Variants in CUL1 observed in about 807,000 individuals in gnomAD.
CUL1 encodes the protein cullin-1.
A neutral mutation model predicts 118.0 loss-of-function variants in CUL1; 24 were observed. That is an observed-to-expected ratio of 0.20 (90% CI 0.15 to 0.29). CUL1 has a LOEUF of 0.29. CUL1 is among the 10% of genes least tolerant of loss of function. CUL1 has a pLI of 1.00. For missense variants in CUL1, 361 were observed against 933.8 expected (o/e 0.39, Z 7.99); for synonymous variants, 332 against 340.4 (o/e 0.98, Z 0.27).
intron 2 of CUL1, among the ~76,000 whole-genome samples, chr7:148,749,731 T>C (rs1031287293): frequency 2.0e-5 from 3 of 152,060 alleles, no homozygotes; most frequent in Non-Finnish European, 2.9e-5. Flanking sequence ...TCAAGTAAAA[T>C]GAAGAGTTGC....
intron 1 of CUL1, among the ~76,000 whole-genome samples, chr7:148,714,012 G>A (rs1320863972): frequency 2.0e-5 from 3 of 152,154 alleles, no homozygotes; most frequent in Non-Finnish European, 2.9e-5. Flanking sequence ...GAGCCACCAC[G>A]CCTGGCTGCA....
In CUL1 at chr7:148,760,334, G is replaced by A; in HGVS notation, c.627G>A (p.Val209=). 6.3e-7 allele frequency: 1 copy of A among 1,594,514 alleles called. No homozygotes were observed. Among genetic ancestry groups the A allele is most frequent in the Non-Finnish European group, 8.5e-7 (1 of 1,173,398 alleles). The change falls in exon 7 of 22, where the codon GTG becomes GTA. Residue 209 remains valine (V), a splice_region_variant and synonymous_variant. Coordinates refer to ENST00000325222, the MANE Select transcript of CUL1 (RefSeq NM_003592.3). ...RLISGVVQSY[V]ELGLNEDDAF... The stretch of plus-strand genomic sequence containing the variant: ...AATATAGCTCATATTCATTTCTAGT[G>A]GAATTGGGGCTGAATGAAGATGATG...
At chr7:148,734,100 G>C (rs1798861300) in intron 2 of CUL1, among the ~76,000 whole-genome samples, 1 of 151,888 alleles carries the variant, frequency 6.6e-6, no homozygotes, top group Non-Finnish European at 1.5e-5. Context: ...TAGTTAACTT[G>C]GTTTTCAGCC....
intron 13 of CUL1, among the ~76,000 whole-genome samples, chr7:148,788,094 G>A (rs987991562): frequency 6.6e-6 from 1 of 152,188 alleles, no homozygotes; most frequent in African/African-American, 2.4e-5. Context: ...GTCAGAGAGA[G>A]AGTGCAGAGC....
intron 19 of CUL1, 87 bp from the exon 20 acceptor site, chr7:148,798,485 A>C (rs1279481101): frequency 5.5e-6 from 5 of 904,674 alleles, no homozygotes; most frequent in Non-Finnish European, 9.0e-6. Flanking sequence ...GAAGCAGGGC[A>C]CTTCTTAAAG....
chr7:148,712,106 G>T (rs1267808423), intron 1 of CUL1, among the ~76,000 whole-genome samples: 1 of 152,136 alleles, frequency 6.6e-6, no homozygotes, highest in Non-Finnish European at 1.5e-5. Flanking sequence ...TGTTAAGCTG[G>T]GTTCTGAAAA....
chr7:148,768,582 G>A (rs1312753319), intron 9 of CUL1, among the ~76,000 whole-genome samples: 2 of 151,686 alleles, frequency 1.3e-5, no homozygotes, highest in African/African-American at 2.4e-5. Flanking sequence ...ACAGGGTTTC[G>A]CTGTGTTGGC....
At chr7:148,719,171 C>G (rs1002423435) in intron 1 of CUL1, among the ~76,000 whole-genome samples, 1 of 152,036 alleles carries the variant, frequency 6.6e-6, no homozygotes, top group African/African-American at 2.4e-5. Flanking sequence ...ATTAGCCAGG[C>G]GCGGTGGCGG....
chr7:148,702,965 G>C (rs1797765295), intron 1 of CUL1, among the ~76,000 whole-genome samples: 1 of 152,156 alleles, frequency 6.6e-6, no homozygotes, highest in African/African-American at 2.4e-5. Context: ...TGAAGTGTGG[G>C]TACTATGGTT....
intron 1 of CUL1, among the ~76,000 whole-genome samples, 192 bp from the exon 2 acceptor site, chr7:148,729,770 A>G (rs2129459592): frequency 6.6e-6 from 1 of 152,324 alleles, no homozygotes; most frequent in East Asian, 1.9e-4. Flanking sequence ...TGCTGATATC[A>G]TAATGATTTT....
chr7:148,755,931 GCC>G (rs1204380103), intron 3 of CUL1, among the ~76,000 whole-genome samples: 2 of 152,158 alleles, frequency 1.3e-5, no homozygotes, highest in Non-Finnish European at 2.9e-5. Context: ...CAGTGGGCTC[GCC>G]CCAGCCCTTC....
At chr7:148,779,931 G>T (rs548845305) in intron 9 of CUL1, among the ~76,000 whole-genome samples, 1 of 152,250 alleles carries the variant, frequency 6.6e-6, no homozygotes, top group East Asian at 1.9e-4. Flanking sequence ...ACGTGAAAAG[G>T]CGAGACTGGC....
chr7:148,712,288 A>T (rs7810200), intron 1 of CUL1, among the ~76,000 whole-genome samples: 1 of 152,184 alleles, frequency 6.6e-6, no homozygotes. Flanking sequence ...ATTCTGTTAA[A>T]CATGTATTTC....
At chr7:148,761,930 G>A (rs1799844950) in intron 7 of CUL1, among the ~76,000 whole-genome samples, 1 of 152,206 alleles carries the variant, frequency 6.6e-6, no homozygotes, top group Non-Finnish European at 1.5e-5. Flanking sequence ...TCCCTCACGT[G>A]TGTAGTTCAC....
intron 9 of CUL1, among the ~76,000 whole-genome samples, chr7:148,771,202 A>G (rs1159485848): frequency 6.6e-6 from 1 of 152,178 alleles, no homozygotes; most frequent in Non-Finnish European, 1.5e-5. Context: ...GAGGCCAAAA[A>G]AAAGTTTTTT....
intron 7 of CUL1, among the ~76,000 whole-genome samples, chr7:148,764,843 G>A (rs1028896508): frequency 6.6e-6 from 1 of 152,174 alleles, no homozygotes; most frequent in Non-Finnish European, 1.5e-5. Flanking sequence ...GGGCACTGTT[G>A]CTGATTATAT....
At chr7:148,785,025 T>A (rs1244502027) in intron 11 of CUL1, among the ~76,000 whole-genome samples, 5 of 152,200 alleles carry the variant, frequency 3.3e-5, no homozygotes, top group Admixed American at 3.3e-4. Flanking sequence ...ATTTACTACA[T>A]TAACAGAGAA....
rs571230445 is a variant in CUL1 at position 148,787,687 on chromosome 7, T to C, written c.1479+567T>C. 6.6e-6 allele frequency among the ~76,000 whole-genome samples: 1 copy of C among 152,156 alleles called. No individual in the cohort carries two copies. Among genetic ancestry groups the C allele is most frequent in the South Asian group, 2.1e-4 (1 of 4,806 alleles). The stretch of plus-strand genomic sequence containing the variant: ...GGCTCAGCTCACCATCTGTGGGGCC[T>C]CTCCTGCCTCCCACACCTTTAGCCT... On this transcript the variant is annotated intron_variant, in intron 13 of 21. Coordinates refer to ENST00000325222, the MANE Select transcript of CUL1 (RefSeq NM_003592.3). The surrounding 1 kb of genome is among the most constrained non-coding windows in gnomAD (Gnocchi z 5.5).
intron 9 of CUL1, among the ~76,000 whole-genome samples, chr7:148,771,496 C>T (rs529335842): frequency 1.4e-4 from 22 of 152,270 alleles, no homozygotes; most frequent in Non-Finnish European, 2.4e-4. Context: ...CCCTCAGTGA[C>T]GTGAAACTGA....
Sources: gnomAD v4.1 joint callset for allele counts (sites outside exome capture counted in the v4.1 genomes callset) on GRCh38, gnomAD v4.1.1 for gene constraint, Gnocchi (gnomAD v3.1) non-coding constraint, MANE v1.5 for transcripts, NCBI Gene and HGNC (gene_info 2026-07-23, HGNC 2026-07-21) for gene names.